Variants in LARGE1 observed in about 807,000 individuals in gnomAD.
The protein encoded by LARGE1 is LARGE xylosyl- and glucuronyltransferase 1, also known as xylosyl- and glucuronyltransferase LARGE1.
A neutral mutation model predicts 87.6 loss-of-function variants in LARGE1; 43 were observed. The observed-to-expected ratio is 0.49, with a 90% CI of 0.38 to 0.63. LARGE1 has a LOEUF of 0.63. LARGE1 is among the 30% of genes least tolerant of loss of function. LARGE1 has a pLI of 0.00. For synonymous variants in LARGE1, 434 were observed against 394.6 expected (o/e 1.10, Z -1.18); for missense variants, 802 against 1,000.2 (o/e 0.80, Z 2.67).
At chr22:33,364,158 C>T (rs1227596531) in intron 9 of LARGE1, among the ~76,000 whole-genome samples, 1 of 151,994 alleles carries the variant, frequency 6.6e-6, no homozygotes, top group Middle Eastern at 3.2e-3. Flanking sequence ...GGGTTCACGC[C>T]ATTCTCCTGC....
chr22:33,330,966 T>A (rs1028337865), intron 10 of LARGE1, among the ~76,000 whole-genome samples: 1 of 152,228 alleles, frequency 6.6e-6, no homozygotes, highest in Non-Finnish European at 1.5e-5. Flanking sequence ...CCCTCTCACA[T>A]GCTTTACAGA....
intron 7 of LARGE1, among the ~76,000 whole-genome samples, chr22:33,398,912 G>A (rs767078806): frequency 5.3e-5 from 8 of 152,176 alleles, no homozygotes; most frequent in Non-Finnish European, 1.0e-4. Flanking sequence ...CGGAAAGAGC[G>A]TGGTTTGGCT....
intron 13 of LARGE1, among the ~76,000 whole-genome samples, chr22:33,278,701 A>G (rs1469701196): frequency 6.6e-6 from 1 of 151,978 alleles, no homozygotes; most frequent in Non-Finnish European, 1.5e-5. Flanking sequence ...GAGCCTCCTT[A>G]AGCACTTCAC....
chr22:33,751,905 C>T (rs1446599385), intron 2 of LARGE1, among the ~76,000 whole-genome samples: 1 of 151,960 alleles, frequency 6.6e-6, no homozygotes, highest in Non-Finnish European at 1.5e-5. Context: ...GTAGGTGGGG[C>T]TACAAGCATG....
intron 1 of LARGE1, among the ~76,000 whole-genome samples, chr22:33,780,968 C>A (rs1330584343): frequency 6.6e-6 from 1 of 152,212 alleles, no homozygotes; most frequent in East Asian, 1.9e-4. Context: ...GTCAGTAGAA[C>A]CCAATAACTG....
intron 6 of LARGE1, among the ~76,000 whole-genome samples, chr22:33,552,947 T>C (rs2077573267): frequency 6.6e-6 from 1 of 152,174 alleles, no homozygotes. Context: ...GCGTGGGGCC[T>C]CAAACCCAGG....
In LARGE1 at chr22:33,522,303, C is replaced by T. The variant is rs371863438; in HGVS notation, c.787+42545G>A. Among the ~76,000 whole-genome samples, 11 of 152,328 alleles carry T rather than the reference C, an allele frequency of 7.2e-5. No individual in the cohort carries two copies. The East Asian group carries it at 1.2e-3, about 16-fold the overall frequency. On this transcript the variant is annotated intron_variant, in intron 6 of 14. Transcript: ENST00000397394. ...ACCTCTGTCACAGGCATTTTGTAGA[C>T]GTTGCTGAAAGGCAGTTCACAGGGG...
intron 1 of LARGE1, among the ~76,000 whole-genome samples, chr22:33,876,534 A>T (rs1215767719): frequency 6.6e-6 from 1 of 152,134 alleles, no homozygotes; most frequent in African/African-American, 2.4e-5. Flanking sequence ...TTAAAAGCAA[A>T]CTAACACAGG....
chr22:33,752,669 A>G (rs1301996973), intron 2 of LARGE1, among the ~76,000 whole-genome samples: 3 of 152,220 alleles, frequency 2.0e-5, no homozygotes, highest in African/African-American at 7.2e-5. Flanking sequence ...TGAGATGTCC[A>G]TATGAAAAGT....
upstream of LARGE1, among the ~76,000 whole-genome samples, chr22:33,920,991 C>T (rs1306596352): frequency 2.7e-5 from 4 of 149,924 alleles, no homozygotes; most frequent in Admixed American, 2.7e-4. Context: ...GCCGGACTCG[C>T]TCAGCAGCTG....
chr22:33,529,745 C>T (rs2072103447), intron 6 of LARGE1, among the ~76,000 whole-genome samples: 1 of 152,184 alleles, frequency 6.6e-6, no homozygotes, highest in Non-Finnish European at 1.5e-5. Flanking sequence ...ATAGGAAGCA[C>T]ACGGGCTTCA....
At chr22:33,503,936 T>C (rs75736231) in intron 6 of LARGE1, among the ~76,000 whole-genome samples, 1,841 of 152,314 alleles carry the variant, frequency 0.012, 30 homozygotes, top group African/African-American at 0.042. Flanking sequence ...TGGAATATTA[T>C]TGTGGCATAA....
intron 5 of LARGE1, among the ~76,000 whole-genome samples, chr22:33,600,481 G>C (rs556250738): frequency 6.6e-5 from 10 of 152,276 alleles, no homozygotes; most frequent in African/African-American, 2.2e-4. Flanking sequence ...GTGATTCTAG[G>C]AGAACATGTA....
intron 11 of LARGE1, among the ~76,000 whole-genome samples, chr22:33,238,307 A>G (rs890700287): frequency 2.0e-5 from 3 of 152,228 alleles, no homozygotes; most frequent in Non-Finnish European, 2.9e-5. Flanking sequence ...AGAGGATAAA[A>G]TAGAGTGTCT....
At chr22:33,299,272 GAA>G (rs1178453750) in intron 12 of LARGE1, among the ~76,000 whole-genome samples, 1 of 150,388 alleles carries the variant, frequency 6.6e-6, no homozygotes, top group African/African-American at 2.4e-5. Flanking sequence ...GAAAAAGAAA[GAA>G]AGAGAGAGAG....
At chr22:33,428,996 G>A (rs1394968991) in intron 7 of LARGE1, among the ~76,000 whole-genome samples, 1 of 149,784 alleles carries the variant, frequency 6.7e-6, no homozygotes, top group East Asian at 2.0e-4. Context: ...GAAGTGACTT[G>A]GCCAAGTTGC....
At chr22:33,335,447 G>T (rs1938328307) in intron 10 of LARGE1, among the ~76,000 whole-genome samples, 1 of 152,160 alleles carries the variant, frequency 6.6e-6, no homozygotes, top group Non-Finnish European at 1.5e-5. Context: ...TGTGACCAGG[G>T]TCATCCTGAT....
chr22:33,382,414 T>G (rs1219940501), intron 8 of LARGE1, among the ~76,000 whole-genome samples: 3 of 152,190 alleles, frequency 2.0e-5, no homozygotes, highest in Admixed American at 2.0e-4. Context: ...TTACCCATCC[T>G]GAGCCTCCTG....
intron 1 of LARGE1, among the ~76,000 whole-genome samples, chr22:33,812,270 T>C (rs2086519751): frequency 6.6e-6 from 1 of 152,188 alleles, no homozygotes; most frequent in Non-Finnish European, 1.5e-5. Flanking sequence ...CTAAAACATA[T>C]TGGGAATTGT....
Sources: gnomAD v4.1 joint callset for allele counts (sites outside exome capture counted in the v4.1 genomes callset) on GRCh38, gnomAD v4.1.1 for gene constraint, MANE v1.5 for transcripts, NCBI Gene and HGNC (gene_info 2026-07-23, HGNC 2026-07-21) for gene names.